MMP26: variants seen among roughly 807,000 people sequenced by gnomAD.
MMP26 encodes matrix metalloproteinase-26.
In MMP26, 33 loss-of-function variants were observed where a neutral mutation model predicts 31.0. The observed-to-expected ratio is 1.06, with a 90% CI of 0.81 to 1.42. MMP26 has a LOEUF of 1.42. Among genes scored for constraint, MMP26 ranks in the 40% most tolerant of loss-of-function variants. The pLI, the probability that MMP26 is intolerant of heterozygous loss-of-function variation, is 0.00. For synonymous variants in MMP26, 122 were observed against 114.9 expected (o/e 1.06, Z -0.40); for missense variants, 347 against 316.1 (o/e 1.10, Z -0.74).
chr11:4,734,580 G>A (rs916778914), intron 1 of MMP26, among the ~76,000 whole-genome samples: 22 of 151,976 alleles, frequency 1.4e-4, no homozygotes, highest in Non-Finnish European at 1.6e-4. Context: ...GGTACGCGGC[G>A]TCTTCACTTT....
intron 2 of MMP26, among the ~76,000 whole-genome samples, chr11:4,870,974 C>T (rs913280024): frequency 6.6e-6 from 1 of 152,000 alleles, no homozygotes; most frequent in African/African-American, 2.4e-5. Context: ...AAAAGATACA[C>T]TGACATTTAG....
intron 2 of MMP26, among the ~76,000 whole-genome samples, chr11:4,790,079 C>T (rs573075537): frequency 4.1e-4 from 62 of 152,160 alleles, no homozygotes; most frequent in South Asian, 1.5e-3. Context: ...CGGTAGCTCA[C>T]GCCTGTAATC....
intron 2 of MMP26, among the ~76,000 whole-genome samples, chr11:4,899,350 G>A (rs12807423): frequency 0.079 from 12,084 of 152,238 alleles, 641 homozygotes; most frequent in Non-Finnish European, 0.12. Context: ...TGAAAAGTTT[G>A]TGAACGAACT....
intron 2 of MMP26, chr11:4,944,038 C>A: frequency 4.6e-6 from 2 of 432,234 alleles, no homozygotes; most frequent in South Asian, 1.7e-5. Context: ...GCTTCTATTT[C>A]TTTCAATTAA....
intron 2 of MMP26, among the ~76,000 whole-genome samples, chr11:4,868,440 C>A (rs1032675449): frequency 6.6e-6 from 1 of 151,994 alleles, no homozygotes; most frequent in Non-Finnish European, 1.5e-5. Flanking sequence ...AAACAGAGAG[C>A]CAAATCATGA....
intron 2 of MMP26, chr11:4,924,267 G>A: frequency 2.5e-6 from 4 of 1,613,994 alleles, no homozygotes; most frequent in Non-Finnish European, 3.4e-6. Context: ...CAGCCATGGA[G>A]ACCTTCTAGA....
At chr11:4,734,086 G>T (rs972959604) in intron 1 of MMP26, among the ~76,000 whole-genome samples, 1 of 151,906 alleles carries the variant, frequency 6.6e-6, no homozygotes, top group Non-Finnish European at 1.5e-5. Flanking sequence ...AATTGATGAT[G>T]TTTTCATCTA....
chr11:4,926,331 A>T (rs1444209157), intron 2 of MMP26, among the ~76,000 whole-genome samples: 1 of 152,186 alleles, frequency 6.6e-6, no homozygotes, highest in Non-Finnish European at 1.5e-5. Context: ...TAGATATCAA[A>T]GGATTTGCAG....
intron 2 of MMP26, among the ~76,000 whole-genome samples, chr11:4,808,791 C>T (rs781290491): frequency 2.0e-5 from 3 of 149,958 alleles, no homozygotes; most frequent in Non-Finnish European, 4.4e-5. Context: ...AATGGAGGAG[C>T]AGGGCTGCCC....
At chr11:4,778,140 T>C (rs1223495328) in intron 2 of MMP26, among the ~76,000 whole-genome samples, 2 of 152,064 alleles carry the variant, frequency 1.3e-5, no homozygotes, top group African/African-American at 2.4e-5. Context: ...ATTTCTGTTT[T>C]TGTTTTATCC....
intron 2 of MMP26, chr11:4,821,910 CTT>C: frequency 3.1e-6 from 5 of 1,614,012 alleles, no homozygotes; most frequent in Non-Finnish European, 4.2e-6. Context: ...CAGTCATGCT[CTT>C]TGTCAAGAGG....
intron 1 of MMP26, chr11:4,719,227 A>ATT (rs1847977722): frequency 6.5e-6 from 1 of 154,482 alleles, no homozygotes. Context: ...GACTGCCCTG[A>ATT]TTACCACTGC....
At chr11:4,896,816 C>A (rs891800962) in intron 2 of MMP26, among the ~76,000 whole-genome samples, 1 of 152,110 alleles carries the variant, frequency 6.6e-6, no homozygotes, top group Non-Finnish European at 1.5e-5. Flanking sequence ...AACTCAAAAT[C>A]TGAATATGCT....
intron 2 of MMP26, among the ~76,000 whole-genome samples, chr11:4,856,966 A>G (rs1351903774): frequency 2.0e-5 from 3 of 152,242 alleles, no homozygotes; most frequent in Non-Finnish European, 4.4e-5. Context: ...CTGCTCCTGA[A>G]TGACTACTGG....
chr11:4,908,096 C>G (rs775862006), intron 2 of MMP26: 1 of 1,614,094 alleles, frequency 6.2e-7, no homozygotes. Flanking sequence ...CTGTGTCTCC[C>G]ACATCTGTGC....
chr11:4,960,474 A>G (rs945902632), intron 2 of MMP26, among the ~76,000 whole-genome samples: 1 of 146,266 alleles, frequency 6.8e-6, no homozygotes, highest in Non-Finnish European at 1.5e-5. Context: ...AGCCTCTGTA[A>G]CATCATTCCC....
At chr11:4,938,927 C>T (rs1029012261) in intron 2 of MMP26, among the ~76,000 whole-genome samples, 1 of 152,116 alleles carries the variant, frequency 6.6e-6, no homozygotes, top group Non-Finnish European at 1.5e-5. Context: ...AATGAGTAGT[C>T]ATCAACAAAT....
At chr11:4,729,325 G>C (rs1848142715) in intron 1 of MMP26, among the ~76,000 whole-genome samples, 1 of 152,122 alleles carries the variant, frequency 6.6e-6, no homozygotes, top group South Asian at 2.1e-4. Context: ...GAGGTAACCT[G>C]ATTGCAGCAA....
chr11:4,907,095 T>TAAAAAAAAAAAAAAAAA lies in MMP26; in HGVS notation c.-144-80969_-144-80953dup, dbSNP rs3065178. ...TGGGCAACAAGAGCAAAACTCCCTC[T>TAAAAAAAAAAAAAAAAA]AAAAAAAAAAAAAAAAAAAATCCTA... On this transcript the variant is annotated intron_variant, in intron 2 of 7. Transcript: ENST00000380390. Among the ~76,000 whole-genome samples, 141 of 55,080 alleles carry TAAAAAAAAAAAAAAAAA rather than the reference T, an allele frequency of 2.6e-3. 12 individuals carry two copies. Among genetic ancestry groups the TAAAAAAAAAAAAAAAAA allele is most frequent in the East Asian group, 0.025 (32 of 1,280 alleles). 36.1% of individuals were successfully genotyped at this position (55,080 alleles called of 152,430 possible). A position where few individuals can be genotyped will look rare whatever the true frequency, so the allele number is the denominator to read the frequency against.
Sources: allele counts gnomAD v4.1 joint callset (sites outside exome capture counted in the v4.1 genomes callset), GRCh38; gene constraint gnomAD v4.1.1; transcripts MANE v1.5; gene names NCBI Gene and HGNC (gene_info 2026-07-23, HGNC 2026-07-21).